Variants in CUBN observed in about 807,000 individuals in gnomAD.
CUBN encodes 460 kDa receptor.
In CUBN, 282 loss-of-function variants were observed where a neutral mutation model predicts 405.3. The observed-to-expected ratio is 0.70, with a 90% CI of 0.63 to 0.77. The LOEUF (loss-of-function observed/expected upper bound fraction) is 0.77. CUBN is among the 30% of genes least tolerant of loss of function. CUBN has a pLI of 0.00. For missense variants in CUBN, 4,514 were observed against 4,475.2 expected (o/e 1.01, Z -0.25); for synonymous variants, 1,684 against 1,617.0 (o/e 1.04, Z -0.99).
At chr10:16,962,355 A>C (rs1237161330) in intron 31 of CUBN, among the ~76,000 whole-genome samples, 1 of 151,878 alleles carries the variant, frequency 6.6e-6, no homozygotes, top group African/African-American at 2.4e-5. Flanking sequence ...AAAAAAGAAA[A>C]GAGAACCAAG....
At chr10:17,094,585 A>C (rs1375495685) in intron 14 of CUBN, among the ~76,000 whole-genome samples, 4 of 152,094 alleles carry the variant, frequency 2.6e-5, no homozygotes, top group Non-Finnish European at 5.9e-5. Flanking sequence ...TCAACATATA[A>C]AATTAGTTGC....
rs879933303 is a variant in CUBN, at chr10:16,883,620, AT to A, written c.8905+4796del. Among the ~76,000 whole-genome samples, 5 of 152,000 alleles carry A rather than the reference AT, an allele frequency of 3.3e-5. No individual in the cohort carries two copies. The South Asian group carries it at 1.0e-3, about 32-fold the overall frequency. ...TGTCAAAAAGAAAAATCTAAAACTA[AT>A]TTTTTTTTACTTTTTTTCTTTAAGC... On this transcript the variant is annotated intron_variant, in intron 56 of 66. Transcript: ENST00000377833.
chr10:16,914,004 A>G lies in CUBN; in HGVS notation c.7352-12T>C, dbSNP rs754565883. The stretch of plus-strand genomic sequence containing the variant: ...ATCCCCACCACACTCTGACGTGGGG[A>G]AAAAGCCAAGAAAACTTTCAATCAA... On this transcript the variant is annotated splice_polypyrimidine_tract_variant and intron_variant, in intron 47 of 66. Transcript: ENST00000377833. The G allele has an allele frequency of 6.2e-7, 1 of 1,613,400 alleles. No homozygotes were observed. The highest frequency in any genetic ancestry group is 8.5e-7 in the Non-Finnish European group (1 of 1,179,716).
In CUBN at chr10:16,851,387, G is replaced by A. The variant is rs754533280; in HGVS notation, c.9511C>T (p.Pro3171Ser). The A allele has an allele frequency of 1.9e-6, 3 of 1,614,084 alleles. No individual in the cohort carries two copies. The highest frequency in any genetic ancestry group is 1.1e-5 in the South Asian group (1 of 91,074). The change falls in exon 60 of 67, where the codon CCT (proline) becomes TCT (serine). Residue 3171 changes from proline (P) to serine (S), a missense_variant. Pro to Ser is a moderately conservative substitution (Grantham distance 74). Around this residue, in one of 5 missense-constraint regions of CUBN, gnomAD observed 1,186 missense variants for 1,186.9 expected, o/e 1.00. Coordinates refer to ENST00000377833, the MANE Select transcript of CUBN (RefSeq NM_001081.4). Reference sequence around the variant, plus strand: ...TACATTCCATTCGAATCAGAATCAGGAGAGGCAAAGGTATTATTCGAGCCT... The same window carrying A: ...TACATTCCATTCGAATCAGAATCAGAAGAGGCAAAGGTATTATTCGAGCCT... ...LTGSNNTFASPDSDSNGMYDK... is the reference protein window; with the variant it reads ...LTGSNNTFASSDSDSNGMYDK...
intron 56 of CUBN, among the ~76,000 whole-genome samples, chr10:16,887,134 A>G (rs1464409606): frequency 1.3e-5 from 2 of 152,156 alleles, no homozygotes; most frequent in African/African-American, 4.8e-5. Context: ...TTTGTCGAAC[A>G]CCTATGTTGA....
chr10:16,849,763 A>ACCT, intron 60 of CUBN, among the ~76,000 whole-genome samples: 1 of 151,758 alleles, frequency 6.6e-6, no homozygotes, highest in Non-Finnish European at 1.5e-5. Flanking sequence ...CCTAGGAGGG[A>ACCT]CCTCTCTCTG....
chr10:16,884,186 G>A (rs1352495959), intron 56 of CUBN, among the ~76,000 whole-genome samples: 1 of 152,140 alleles, frequency 6.6e-6, no homozygotes, highest in Non-Finnish European at 1.5e-5. Flanking sequence ...GTTTCACCGT[G>A]TTAGCCAGGA....
Position 17,103,053 on chromosome 10 carries a change from T to C in CUBN, c.1530+72A>G, listed in dbSNP as rs908344220. On this transcript the variant is annotated intron_variant, in intron 13 of 66. Transcript: ENST00000377833. Reference sequence around the variant, plus strand: ...TTATCATTGCATGTATTTTATGTAATAAAATATACACATACTCCATATTTA... The same window carrying C: ...TTATCATTGCATGTATTTTATGTAACAAAATATACACATACTCCATATTTA... The C allele has an allele frequency of 4.7e-5, 41 of 874,364 alleles. 1 individual carries two copies. Among genetic ancestry groups the C allele is most frequent in the Admixed American group, 3.4e-4 (18 of 52,756 alleles). 54.2% of individuals were successfully genotyped at this position (874,364 alleles called of 1,614,324 possible). A position where few individuals can be genotyped will look rare whatever the true frequency, so the allele number is the denominator to read the frequency against.
At chr10:16,907,030 T>G (rs1474821746) in intron 49 of CUBN, among the ~76,000 whole-genome samples, 1 of 152,226 alleles carries the variant, frequency 6.6e-6, no homozygotes, top group African/African-American at 2.4e-5. Context: ...GGCCATATCT[T>G]GCTTAATTTT....
At chr10:17,056,202 G>A (rs555770522) in intron 22 of CUBN, among the ~76,000 whole-genome samples, 1 of 152,134 alleles carries the variant, frequency 6.6e-6, no homozygotes, top group East Asian at 1.9e-4. Context: ...TCAATAAATG[G>A]TGCTTGAACA....
intron 27 of CUBN, among the ~76,000 whole-genome samples, chr10:17,026,509 T>A (rs577829725): frequency 5.3e-5 from 8 of 152,184 alleles, no homozygotes; most frequent in African/African-American, 1.9e-4. Context: ...GGCGTACGCC[T>A]GTAGTCCCAG....
chr10:17,129,170 A>T lies in CUBN; in HGVS notation c.203T>A (p.Leu68Gln), dbSNP rs1837264187. Residue 68 changes from leucine (L) to glutamine (Q), a missense_variant, in exon 2 of 67, where the codon CTG (leucine) becomes CAG (glutamine). Physicochemically the swap from Leu to Gln is moderately radical, Grantham distance 113. Coordinates refer to ENST00000377833, the MANE Select transcript of CUBN (RefSeq NM_001081.4). ...AQNIEFRTGS[L>Q]GKIKLNDEDL... is the part of the protein sequence containing the mutation. ...TTCATCATTTAATTTAATTTTTCCC[A>T]GGGATCCGGTTCTAAACTCAATGTT... is the stretch of plus-strand genomic sequence containing the variant. 1 of 1,613,468 alleles carries T rather than the reference A, an allele frequency of 6.2e-7. No homozygotes were observed. Among genetic ancestry groups the T allele is most frequent in the East Asian group, 2.2e-5 (1 of 44,868 alleles).
chr10:16,850,036 C>A (rs754273910), intron 60 of CUBN, among the ~76,000 whole-genome samples: 1 of 152,238 alleles, frequency 6.6e-6, no homozygotes, highest in African/African-American at 2.4e-5. Context: ...CTTTCGAGAA[C>A]ATGCACGTAT....
intron 14 of CUBN, among the ~76,000 whole-genome samples, chr10:17,091,989 A>G (rs1372306586): frequency 6.6e-6 from 1 of 151,960 alleles, no homozygotes; most frequent in African/African-American, 2.4e-5. Context: ...GTATGGACTC[A>G]CCCCATATTC....
Position 16,869,668 on chromosome 10 carries a change from T to C in CUBN, c.9422A>G (p.Lys3141Arg), listed in dbSNP as rs1360347744. The C allele has an allele frequency of 1.9e-6, 3 of 1,613,738 alleles. No homozygotes were observed. The highest frequency in any genetic ancestry group is 1.1e-5 in the South Asian group (1 of 91,080). The part of the protein sequence containing the change: ...VFKTDSFQTA[K>R]GWKMSFRQTL... ...CTGCCGGAAAGACATCTTCCAGCCTTTTGCTGTCTGAAATGAATCTGTCTT... is the reference window on the plus strand; with the variant it reads ...CTGCCGGAAAGACATCTTCCAGCCTCTTGCTGTCTGAAATGAATCTGTCTT... Residue 3141 changes from lysine to arginine, a missense_variant, in exon 59 of 67, where the codon AAA (lysine) becomes AGA (arginine). By Grantham distance (26) the Lys-to-Arg change is conservative (BLOSUM62 2). This residue lies in a region of CUBN where 1,186 missense variants were observed against 1,186.9 expected (regional missense o/e 1.00). Transcript: ENST00000377833.
At chr10:17,080,261 G>C (rs1284569053) in intron 17 of CUBN, among the ~76,000 whole-genome samples, 2 of 152,056 alleles carry the variant, frequency 1.3e-5, no homozygotes, top group Non-Finnish European at 2.9e-5. Context: ...AAATAATCTT[G>C]GGTTATGTTA....
At chr10:17,024,190 G>A (rs896900192) in intron 27 of CUBN, among the ~76,000 whole-genome samples, 6 of 152,254 alleles carry the variant, frequency 3.9e-5, no homozygotes, top group African/African-American at 1.2e-4. Context: ...CATAACAAAG[G>A]GGAGGATATA....
At chr10:16,908,241 G>A (rs1183792776) in intron 48 of CUBN, among the ~76,000 whole-genome samples, 1 of 152,030 alleles carries the variant, frequency 6.6e-6, no homozygotes, top group Non-Finnish European at 1.5e-5. Flanking sequence ...CACTTCCCAG[G>A]TTCAAGCAGT....
chr10:16,937,591 C>A lies in CUBN; in HGVS notation c.5926+1G>T, dbSNP rs1470304025. Reference sequence around the variant, plus strand: ...AGAACTTCATTTATTACCAAACACACCTGGAGCAATGGTAGGTAAAACACC... The same window carrying A: ...AGAACTTCATTTATTACCAAACACAACTGGAGCAATGGTAGGTAAAACACC... On this transcript the variant is annotated splice_donor_variant, in intron 39 of 66. Coordinates refer to ENST00000377833, the MANE Select transcript of CUBN (RefSeq NM_001081.4). LOFTEE classifies it high-confidence loss of function. 6.2e-7 allele frequency: 1 copy of A among 1,613,464 alleles called. No homozygotes were observed. Among genetic ancestry groups the A allele is most frequent in the East Asian group, 2.2e-5 (1 of 44,830 alleles).
Sources: allele counts gnomAD v4.1 joint callset (sites outside exome capture counted in the v4.1 genomes callset), GRCh38; gene constraint gnomAD v4.1.1; regional missense constraint gnomAD v4.1.1; transcripts MANE v1.5; gene names NCBI Gene and HGNC (gene_info 2026-07-23, HGNC 2026-07-21).